Variants in CTSS observed in about 807,000 individuals in gnomAD.
CTSS encodes cathepsin S.
A neutral mutation model predicts 39.9 loss-of-function variants in CTSS; 15 were observed. That is an observed-to-expected ratio of 0.38 (90% CI 0.25 to 0.58). The LOEUF is 0.58. CTSS is among the 20% of genes least tolerant of loss of function. The pLI, the probability that CTSS is intolerant of heterozygous loss-of-function variation, is 0.70. For missense variants in CTSS, 250 were observed against 398.2 expected (o/e 0.63, Z 3.17); for synonymous variants, 126 against 138.2 (o/e 0.91, Z 0.62).
In CTSS at chr1:150,732,863, G is replaced by T; in HGVS notation, c.*183C>A. ...GCCTCAAGTTGATATGCCTGCCTTG[G>T]CCTCCCAAGTACTGGGATTACAGGC... is the stretch of plus-strand genomic sequence containing the variant. On this transcript the variant is annotated 3_prime_UTR_variant, in exon 8 of 8. Transcript: ENST00000368985. 4.8e-6 allele frequency: 2 copies of T among 417,192 alleles called. No individual in the cohort carries two copies. The highest frequency in any genetic ancestry group is 3.2e-5 in the South Asian group (1 of 30,866). 25.8% of individuals were successfully genotyped at this position (417,192 alleles called of 1,614,324 possible).
intron 5 of CTSS, among the ~76,000 whole-genome samples, chr1:150,751,018 G>A (rs1652995716): frequency 6.6e-6 from 1 of 152,092 alleles, no homozygotes; most frequent in African/African-American, 2.4e-5. Context: ...AAGGTAGAAG[G>A]TTTTTGAGTG....
At chr1:150,734,470 G>A (rs587671602) in intron 7 of CTSS, among the ~76,000 whole-genome samples, 15 of 151,974 alleles carry the variant, frequency 9.9e-5, no homozygotes, top group East Asian at 5.9e-4. Context: ...GTGAAACCCC[G>A]TCTCTACTAA....
Position 150,732,315 on chromosome 1 carries a change from C to T in CTSS, c.*731G>A, listed in dbSNP as rs1435496171. The T allele has an allele frequency of 6.6e-6, 1 of 152,114 alleles. No individual in the cohort carries two copies. The highest frequency in any genetic ancestry group is 1.5e-5 in the Non-Finnish European group (1 of 68,026). The allele number at this position is 152,114 out of a possible 1,614,324, so 9.4% of individuals were successfully genotyped here. On this transcript the variant is annotated 3_prime_UTR_variant, in exon 8 of 8. Coordinates refer to ENST00000368985, the MANE Select transcript of CTSS (RefSeq NM_004079.5). ...GCTAAACCCCATCACCAGAATACCACAATTAATATTCTCAGGATAGATTAT... is the reference window on the plus strand; with the variant it reads ...GCTAAACCCCATCACCAGAATACCATAATTAATATTCTCAGGATAGATTAT...
At position 150,751,791 on chromosome 1, in the gene CTSS, T is replaced by C; in HGVS notation, c.617A>G (p.Tyr206Cys). Residue 206 changes from tyrosine (Y) to cysteine (C), a missense_variant, in exon 5 of 8, where the codon TAC becomes TGC. Physicochemically the swap from Tyr to Cys is radical, Grantham distance 194. Coordinates refer to ENST00000368985, the MANE Select transcript of CTSS (RefSeq NM_004079.5). ...TTGCTTAAGACGCACCATGGCTTTG[T>C]AGGGATAGGAAGCGTCTGAGTCGAT... ...KGIDSDASYP[Y>C]KAMDQKCQYD... 1 of 1,614,132 alleles carries C rather than the reference T, an allele frequency of 6.2e-7. No homozygotes were observed. The highest frequency in any genetic ancestry group is 8.5e-7 in the Non-Finnish European group (1 of 1,179,990).
chr1:150,731,895 A>G lies in CTSS; in HGVS notation c.*1151T>C, dbSNP rs1372514235. On this transcript the variant is annotated 3_prime_UTR_variant, in exon 8 of 8. Coordinates refer to ENST00000368985, the MANE Select transcript of CTSS (RefSeq NM_004079.5). ...ATGCATTTCTTTACTTTAACATAATATAAAAATATGTGTTGAATCCTCTTT... is the reference window on the plus strand; with the variant it reads ...ATGCATTTCTTTACTTTAACATAATGTAAAAATATGTGTTGAATCCTCTTT... The G allele has an allele frequency of 1.3e-5, 2 of 152,196 alleles. No homozygotes were observed. Among genetic ancestry groups the G allele is most frequent in the Non-Finnish European group, 2.9e-5 (2 of 68,048 alleles). The allele number at this position is 152,196 out of a possible 1,614,324, so 9.4% of individuals were successfully genotyped here. A position where few individuals can be genotyped will look rare whatever the true frequency, so the allele number is the denominator to read the frequency against.
chr1:150,743,053 A>T (rs925067596), intron 7 of CTSS, among the ~76,000 whole-genome samples: 2 of 152,296 alleles, frequency 1.3e-5, no homozygotes, highest in East Asian at 3.9e-4. Flanking sequence ...GATCATCTAC[A>T]TAATGGCAAT....
intron 3 of CTSS, among the ~76,000 whole-genome samples, chr1:150,756,202 G>A (rs1311032706): frequency 2.0e-5 from 3 of 151,890 alleles, no homozygotes; most frequent in South Asian, 2.1e-4. Context: ...ACTGCATTTC[G>A]TCTCCACCTC....
At chr1:150,751,567 C>T (rs1653007413) in intron 5 of CTSS, among the ~76,000 whole-genome samples, 1 of 152,148 alleles carries the variant, frequency 6.6e-6, no homozygotes, top group Non-Finnish European at 1.5e-5. Flanking sequence ...TGTTTTTAAG[C>T]ATGAATGCTA....
chr1:150,758,839 C>A (rs116319249), intron 2 of CTSS, among the ~76,000 whole-genome samples: 3 of 150,236 alleles, frequency 2.0e-5, no homozygotes, highest in African/African-American at 7.3e-5. Context: ...TGTAAGCCAC[C>A]GCGCCCAGCA....
rs748206909 is a variant in CTSS, at chr1:150,733,028, A to G, written c.*18T>C. Reference sequence around the variant, plus strand: ...AGTGCTTCATATTTCTTGATTTGTTATAAAAAGGAGAGATCCTCTAGATTT... The same window carrying G: ...AGTGCTTCATATTTCTTGATTTGTTGTAAAAAGGAGAGATCCTCTAGATTT... On this transcript the variant is annotated 3_prime_UTR_variant, in exon 8 of 8. Coordinates refer to ENST00000368985, the MANE Select transcript of CTSS (RefSeq NM_004079.5). 2 of 1,551,418 alleles carry G rather than the reference A, an allele frequency of 1.3e-6. No individual in the cohort carries two copies. The highest frequency in any genetic ancestry group is 1.4e-5 in the African/African-American group (1 of 73,318).
chr1:150,753,432 C>CT (rs1326180858), intron 4 of CTSS, among the ~76,000 whole-genome samples: 1 of 152,200 alleles, frequency 6.6e-6, no homozygotes, highest in Non-Finnish European at 1.5e-5. Flanking sequence ...ATAGAACACT[C>CT]TATCTCTAGT....
At chr1:150,750,254 T>G in intron 5 of CTSS, 83 bp from the exon 6 acceptor site, 1 of 1,099,664 alleles carries the variant, frequency 9.1e-7, no homozygotes, top group Non-Finnish European at 1.3e-6. Context: ...ATTTTAAATG[T>G]CTCCCTTCCT....
In CTSS at chr1:150,731,083, A is replaced by G. The variant is rs1192750631; in HGVS notation, c.*1963T>C. 1 of 152,180 alleles carries G rather than the reference A, an allele frequency of 6.6e-6. No individual in the cohort carries two copies. The highest frequency in any genetic ancestry group is 1.5e-5 in the Non-Finnish European group (1 of 68,026). The allele number at this position is 152,180 out of a possible 1,614,324, so 9.4% of individuals were successfully genotyped here. A position where few individuals can be genotyped will look rare whatever the true frequency, so the allele number is the denominator to read the frequency against. On this transcript the variant is annotated 3_prime_UTR_variant, in exon 8 of 8. Coordinates refer to ENST00000368985, the MANE Select transcript of CTSS (RefSeq NM_004079.5). Reference sequence around the variant, plus strand: ...TTGAAAAGTTGTGGATAAAACAAAAATTATGTTAAAAACTGAAAAGTAGGC... The same window carrying G: ...TTGAAAAGTTGTGGATAAAACAAAAGTTATGTTAAAAACTGAAAAGTAGGC...
chr1:150,743,212 G>C (rs1652804463), intron 7 of CTSS, among the ~76,000 whole-genome samples: 1 of 151,996 alleles, frequency 6.6e-6, no homozygotes, highest in South Asian at 2.1e-4. Flanking sequence ...AGTGAGAAAT[G>C]TGCCATTGCA....
At chr1:150,737,113 T>A (rs935827408) in intron 7 of CTSS, among the ~76,000 whole-genome samples, 4 of 152,178 alleles carry the variant, frequency 2.6e-5, no homozygotes, top group Non-Finnish European at 4.4e-5. Context: ...TCTACTTTTT[T>A]TTTTTTGAGA....
At chr1:150,751,539 C>A (rs754238897) in intron 5 of CTSS, among the ~76,000 whole-genome samples, 1 of 152,160 alleles carries the variant, frequency 6.6e-6, no homozygotes, top group Non-Finnish European at 1.5e-5. Flanking sequence ...TGAGCCACTA[C>A]GCCCAGTCAT....
chr1:150,742,605 G>C (rs923484617), intron 7 of CTSS, among the ~76,000 whole-genome samples: 2 of 152,094 alleles, frequency 1.3e-5, no homozygotes, highest in Admixed American at 6.6e-5. Context: ...AGCAGGAGTT[G>C]ACATGATCTA....
chr1:150,732,933 C>G lies in CTSS; in HGVS notation c.*113G>C. 1.3e-6 allele frequency: 1 copy of G among 772,960 alleles called. No homozygotes were observed. The highest frequency in any genetic ancestry group is 1.7e-5 in the South Asian group (1 of 57,616). 47.9% of individuals were successfully genotyped at this position (772,960 alleles called of 1,614,324 possible). The stretch of plus-strand genomic sequence containing the variant: ...CTCAAACTATATTTTCTAATTAGTA[C>G]AGTAAATACACATTAATCATGACAC... On this transcript the variant is annotated 3_prime_UTR_variant, in exon 8 of 8. Coordinates refer to ENST00000368985, the MANE Select transcript of CTSS (RefSeq NM_004079.5).
At chr1:150,752,364 C>T (rs1653025335) in intron 4 of CTSS, among the ~76,000 whole-genome samples, 1 of 152,162 alleles carries the variant, frequency 6.6e-6, no homozygotes, top group Admixed American at 6.5e-5. Context: ...TTTGAGAGAG[C>T]TAGGATGATT....
Sources: allele counts gnomAD v4.1 joint callset (sites outside exome capture counted in the v4.1 genomes callset), GRCh38; gene constraint gnomAD v4.1.1; transcripts MANE v1.5; gene names NCBI Gene and HGNC (gene_info 2026-07-23, HGNC 2026-07-21).